Variants in MACROH2A2 observed in about 807,000 individuals in gnomAD.
MACROH2A2 encodes the protein core histone macro-H2A.2.
Under a neutral mutation model 37.6 loss-of-function variants are expected in MACROH2A2, and 6 were observed. The observed-to-expected ratio is 0.16, with a 90% CI of 0.09 to 0.32. The LOEUF (loss-of-function observed/expected upper bound fraction) is 0.32. Ranked by LOEUF, MACROH2A2 falls within the 10% of genes least tolerant of loss-of-function variation. The pLI is 1.00. For synonymous variants in MACROH2A2, 192 were observed against 202.7 expected, an observed-to-expected ratio of 0.95 and a Z score of 0.45; for missense variants, 290 against 485.9, an observed-to-expected ratio of 0.60 and a Z score of 3.79.
intron 1 of MACROH2A2, among the ~76,000 whole-genome samples, chr10:70,061,363 C>T (rs551764300): frequency 6.6e-6 from 1 of 152,288 alleles, no homozygotes; most frequent in South Asian, 2.1e-4. Flanking sequence ...TCAAAGAAAA[C>T]TAAAATTATT....
At chr10:70,081,297 G>T (rs544193280) in intron 2 of MACROH2A2, among the ~76,000 whole-genome samples, 1 of 152,216 alleles carries the variant, frequency 6.6e-6, no homozygotes, top group African/African-American at 2.4e-5. Flanking sequence ...TGTGGCTATT[G>T]CTCTTATTGA....
rs569050816 is a variant in MACROH2A2 at position 70,078,727 on chromosome 10, G to T, written c.172+2897G>T. 2.0e-5 allele frequency among the ~76,000 whole-genome samples: 3 copies of T among 152,330 alleles called. No individual in the cohort carries two copies. The East Asian group carries it at 5.8e-4, about 29-fold the overall frequency. On this transcript the variant is annotated intron_variant, in intron 2 of 8. Coordinates refer to ENST00000373255, the MANE Select transcript of MACROH2A2 (RefSeq NM_018649.3). ...AAGTATAAATGACTAATTCCATTAA[G>T]GTGTTGTATTTTCAGGCTGAATTTG...
At chr10:70,108,636 G>A (rs1054958609) in intron 7 of MACROH2A2, among the ~76,000 whole-genome samples, 1 of 152,056 alleles carries the variant, frequency 6.6e-6, no homozygotes, top group Non-Finnish European at 1.5e-5. Flanking sequence ...TGCCATGTAC[G>A]GGAACACCCA....
chr10:70,078,833 A>C (rs539560231), intron 2 of MACROH2A2, among the ~76,000 whole-genome samples: 1 of 152,146 alleles, frequency 6.6e-6, no homozygotes, highest in African/African-American at 2.4e-5. Flanking sequence ...AGTAAATGAC[A>C]TGGGGGATTT....
intron 4 of MACROH2A2, among the ~76,000 whole-genome samples, chr10:70,092,716 T>C (rs2072252835): frequency 6.6e-6 from 1 of 152,136 alleles, no homozygotes; most frequent in South Asian, 2.1e-4. Context: ...TAAGCAGGGA[T>C]GGTTTTCAGA....
At chr10:70,082,342 C>T (rs535436192) in intron 2 of MACROH2A2, among the ~76,000 whole-genome samples, 5 of 151,428 alleles carry the variant, frequency 3.3e-5, no homozygotes, top group Admixed American at 2.0e-4. Flanking sequence ...CGCTTGAACC[C>T]GGGAGGCGGA....
intron 2 of MACROH2A2, among the ~76,000 whole-genome samples, chr10:70,085,757 C>T (rs2072206840): frequency 6.6e-6 from 1 of 152,064 alleles, no homozygotes; most frequent in Non-Finnish European, 1.5e-5. Context: ...ATAGAAGTCC[C>T]CACCACTTAA....
At chr10:70,091,502 C>G (rs895024539) in intron 3 of MACROH2A2, among the ~76,000 whole-genome samples, 1 of 151,972 alleles carries the variant, frequency 6.6e-6, no homozygotes, top group African/African-American at 2.4e-5. Context: ...GTGGTGAAAC[C>G]CTGTCTCTAC....
At chr10:70,077,468 C>T (rs569659426) in intron 2 of MACROH2A2, among the ~76,000 whole-genome samples, 1 of 152,210 alleles carries the variant, frequency 6.6e-6, no homozygotes, top group Admixed American at 6.5e-5. Flanking sequence ...GTAATCCCAG[C>T]TACTTGGGAG....
intron 2 of MACROH2A2, among the ~76,000 whole-genome samples, chr10:70,086,111 C>T (rs906299805): frequency 6.6e-6 from 1 of 151,938 alleles, no homozygotes; most frequent in African/African-American, 2.4e-5. Flanking sequence ...GATCCTCCCA[C>T]CCCAGCCTCC....
In MACROH2A2 at chr10:70,090,140, G is replaced by A; in HGVS notation, c.253G>A (p.Val85Ile). 6.2e-7 allele frequency: 1 copy of A among 1,613,204 alleles called. No individual in the cohort carries two copies. The highest frequency in any genetic ancestry group is 1.1e-5 in the South Asian group (1 of 91,064). ...AGCCCCGAGACACATCTTGCTGGCA[G>A]TTGCCAATGACGAGGAGCTCAACCA... ...RIAPRHILLA[V>I]ANDEELNQLL... Residue 85 changes from valine to isoleucine, a missense_variant, in exon 3 of 9, where the codon GTT becomes ATT. Coordinates refer to ENST00000373255, the MANE Select transcript of MACROH2A2 (RefSeq NM_018649.3).
At chr10:70,078,465 C>G (rs888121353) in intron 2 of MACROH2A2, among the ~76,000 whole-genome samples, 1 of 152,212 alleles carries the variant, frequency 6.6e-6, no homozygotes, top group Admixed American at 6.5e-5. Context: ...CCCTTTCTCT[C>G]CCCCAAAGGC....
At chr10:70,065,453 G>C (rs1184512395) in intron 1 of MACROH2A2, among the ~76,000 whole-genome samples, 1 of 152,132 alleles carries the variant, frequency 6.6e-6, no homozygotes, top group Non-Finnish European at 1.5e-5. Flanking sequence ...GGAAGTGAAA[G>C]ATGAAAATCA....
intron 1 of MACROH2A2, among the ~76,000 whole-genome samples, chr10:70,066,644 C>A (rs781618878): frequency 5.9e-5 from 9 of 152,186 alleles, no homozygotes; most frequent in Non-Finnish European, 1.0e-4. Flanking sequence ...AAAGGAACAT[C>A]TTTTGTCAAC....
intron 1 of MACROH2A2, among the ~76,000 whole-genome samples, chr10:70,071,204 T>C: frequency 6.6e-6 from 1 of 152,174 alleles, no homozygotes; most frequent in East Asian, 1.9e-4. Flanking sequence ...ACACACCATA[T>C]TCACAGAGCA....
Position 70,107,102 on chromosome 10 carries a change from CG to C in MACROH2A2, c.779-1928del, listed in dbSNP as rs376858902. On this transcript the variant is annotated intron_variant, in intron 7 of 8. Transcript: ENST00000373255. The surrounding 1 kb of genome is among the most constrained non-coding windows in gnomAD (Gnocchi z 4.4). ...GTGGTCGTAGAGTCAGCACGCATGG[CG>C]GGCCCCTACCCAGGGCCTCGGTGTA... 1.2e-4 allele frequency among the ~76,000 whole-genome samples: 18 copies of C among 152,300 alleles called. No homozygotes were observed. In the East Asian group the frequency reaches 2.9e-3, roughly 25 times the overall value.
intron 2 of MACROH2A2, among the ~76,000 whole-genome samples, chr10:70,077,030 C>G (rs545459800): frequency 6.6e-6 from 1 of 151,536 alleles, no homozygotes; most frequent in Non-Finnish European, 1.5e-5. Context: ...AGCCTTCCTC[C>G]TGAGCTAAAA....
rs1251165727 is a variant in MACROH2A2, at chr10:70,053,282, AAGG to A, written c.-60+289_-60+291del. Among the ~76,000 whole-genome samples, 1 of 151,814 alleles carries A rather than the reference AAGG, an allele frequency of 6.6e-6. No homozygotes were observed. The highest frequency in any genetic ancestry group is 1.5e-5 in the Non-Finnish European group (1 of 67,920). ...GGGGCGTCGAGGGTACTGAGAGGGG[AAGG>A]AGGAGGGATGCGAGGTTCAGCAGCG... On this transcript the variant is annotated intron_variant, in intron 1 of 8. Transcript: ENST00000373255. This position sits in a 1 kb window ranked among gnomAD's most constrained non-coding sequence, Gnocchi z 4.8.
chr10:70,090,716 A>G (rs1280557462), intron 3 of MACROH2A2, among the ~76,000 whole-genome samples: 1 of 152,224 alleles, frequency 6.6e-6, no homozygotes, highest in Non-Finnish European at 1.5e-5. Context: ...CCAATCCATC[A>G]TGGACTGATA....
Sources: gnomAD v4.1 joint callset for allele counts (sites outside exome capture counted in the v4.1 genomes callset) on GRCh38, gnomAD v4.1.1 for gene constraint, Gnocchi (gnomAD v3.1) non-coding constraint, MANE v1.5 for transcripts, NCBI Gene and HGNC (gene_info 2026-07-23, HGNC 2026-07-21) for gene names.